ASXL2: variants seen among roughly 807,000 people sequenced by gnomAD.
ASXL2 encodes the protein ASXL transcriptional regulator 2, also known as putative Polycomb group protein ASXL2.
Under a neutral mutation model 122.0 loss-of-function variants are expected in ASXL2, and 23 were observed. The ratio of observed to expected loss-of-function variants is 0.19; its 90% CI spans 0.14 to 0.27. The LOEUF (loss-of-function observed/expected upper bound fraction) is 0.27, where lower values mean the gene tolerates loss of function less well. Ranked by LOEUF, ASXL2 falls within the 10% of genes least tolerant of loss-of-function variation. The pLI is 1.00. For missense variants in ASXL2, 1,518 were observed against 1,713.8 expected (o/e 0.89, Z 2.02); for synonymous variants, 650 against 637.0 (o/e 1.02, Z -0.31).
chr2:25,804,498 T>G (rs2089050162), intron 4 of ASXL2, among the ~76,000 whole-genome samples: 1 of 152,212 alleles, frequency 6.6e-6, no homozygotes, highest in African/African-American at 2.4e-5. Flanking sequence ...GATTTACAGC[T>G]TGCAGAGTGC....
chr2:25,799,201 G>A (rs934746833), intron 5 of ASXL2, among the ~76,000 whole-genome samples, 184 bp downstream of exon 5: 1 of 152,210 alleles, frequency 6.6e-6, no homozygotes, highest in African/African-American at 2.4e-5. Context: ...ACTGGCTACT[G>A]TGTTGTGCTG....
At chr2:25,761,857 C>T (rs965747522) in intron 8 of ASXL2, among the ~76,000 whole-genome samples, 1 of 152,082 alleles carries the variant, frequency 6.6e-6, no homozygotes, top group Middle Eastern at 3.4e-3. Context: ...AAACTGAAGG[C>T]GTTCACTACT....
intron 9 of ASXL2, 75 bp downstream of exon 9, chr2:25,759,407 T>C (rs190057711): frequency 9.2e-6 from 13 of 1,415,090 alleles, no homozygotes; most frequent in Non-Finnish European, 1.2e-5. Flanking sequence ...TACTTCTCAC[T>C]TAGTACCATT....
At chr2:25,803,964 A>C (rs951605157) in intron 4 of ASXL2, among the ~76,000 whole-genome samples, 1 of 152,186 alleles carries the variant, frequency 6.6e-6, no homozygotes, top group South Asian at 2.1e-4. Context: ...ACGGTGTATG[A>C]GAATAGGGAA....
At chr2:25,854,496 T>C (rs1172099998) in intron 1 of ASXL2, among the ~76,000 whole-genome samples, 2 of 152,200 alleles carry the variant, frequency 1.3e-5, no homozygotes, top group Non-Finnish European at 2.9e-5. Context: ...TTGTCCAACT[T>C]GTCATCAGCA....
chr2:25,830,590 C>T (rs1432200249), intron 3 of ASXL2, among the ~76,000 whole-genome samples: 1 of 149,958 alleles, frequency 6.7e-6, no homozygotes, highest in Non-Finnish European at 1.5e-5. Context: ...CGCATCACTG[C>T]TCTCCAGCCT....
At chr2:25,858,812 A>ATTT (rs765331691) in intron 1 of ASXL2, among the ~76,000 whole-genome samples, 3 of 139,206 alleles carry the variant, frequency 2.2e-5, no homozygotes, top group Non-Finnish European at 4.7e-5. Flanking sequence ...TAGAAATCTA[A>ATTT]TTTTTTTTTT....
chr2:25,771,108 T>G (rs1165722159), intron 6 of ASXL2, among the ~76,000 whole-genome samples: 9 of 152,002 alleles, frequency 5.9e-5, no homozygotes, highest in Non-Finnish European at 1.3e-4. Flanking sequence ...TGGTGGCAGG[T>G]GCCTGTAGTC....
intron 2 of ASXL2, among the ~76,000 whole-genome samples, chr2:25,843,301 CAAAA>C (rs35388163): frequency 1.1e-5 from 1 of 93,022 alleles, no homozygotes; most frequent in Non-Finnish European, 2.1e-5. Context: ...GACTTCGTCT[CAAAA>C]AAAAAAAAAA....
chr2:25,768,275 T>C (rs1010598191), intron 7 of ASXL2, among the ~76,000 whole-genome samples: 1 of 152,236 alleles, frequency 6.6e-6, no homozygotes, highest in African/African-American at 2.4e-5. Flanking sequence ...AAGTCAGTCA[T>C]TTATTTCCTT....
At chr2:25,790,944 C>T (rs62127683) in intron 5 of ASXL2, among the ~76,000 whole-genome samples, 22,619 of 151,438 alleles carry the variant, frequency 0.15, 2,146 homozygotes, top group Non-Finnish European at 0.22. Context: ...GCTGGGACTA[C>T]GGGTGTGCAC....
chr2:25,852,325 A>T (rs2089725709), intron 1 of ASXL2, among the ~76,000 whole-genome samples: 1 of 152,236 alleles, frequency 6.6e-6, no homozygotes, highest in Non-Finnish European at 1.5e-5. Flanking sequence ...GGATTTAAAA[A>T]TTATATTTTC....
At chr2:25,754,691 TAACACTGATAATA>T (rs2088103452) in intron 10 of ASXL2, among the ~76,000 whole-genome samples, 1 of 150,658 alleles carries the variant, frequency 6.6e-6, no homozygotes, top group Non-Finnish European at 1.5e-5. Flanking sequence ...AAAAAAAAAG[TAACACTGATAATA>T]ATAATCGCAG....
rs1411878328 is a variant in ASXL2 at position 25,734,099 on chromosome 2, GTGT to G, written c.*7927_*7929del. ...AATAGGTCAAAGCACTTACAGCTAA[GTGT>G]TTTTTTTTCTTTCAAATTTCTAGAG... On this transcript the variant is annotated 3_prime_UTR_variant, in exon 13 of 13. Transcript: ENST00000435504. 6.6e-6 allele frequency: 1 copy of G among 151,128 alleles called. No individual in the cohort carries two copies. Among genetic ancestry groups the G allele is most frequent in the African/African-American group, 2.4e-5 (1 of 41,064 alleles). 9.4% of individuals were successfully genotyped at this position (151,128 alleles called of 1,614,324 possible).
At chr2:25,803,701 C>T (rs1236753907) in intron 4 of ASXL2, among the ~76,000 whole-genome samples, 1 of 152,174 alleles carries the variant, frequency 6.6e-6, no homozygotes, top group Non-Finnish European at 1.5e-5. Flanking sequence ...ACCTAGATCC[C>T]TCAAATGTGC....
At chr2:25,781,286 C>T (rs969142904) in intron 5 of ASXL2, among the ~76,000 whole-genome samples, 2 of 152,144 alleles carry the variant, frequency 1.3e-5, no homozygotes, top group African/African-American at 4.8e-5. Context: ...GTAATCCCAA[C>T]ACTTTGGGAG....
intron 3 of ASXL2, among the ~76,000 whole-genome samples, chr2:25,815,403 C>T (rs1408750293): frequency 6.6e-6 from 1 of 151,936 alleles, no homozygotes; most frequent in African/African-American, 2.4e-5. Context: ...CTCCTTTTCT[C>T]CTAGCAACCT....
chr2:25,783,944 C>T (rs1190729383), intron 5 of ASXL2, among the ~76,000 whole-genome samples: 1 of 152,004 alleles, frequency 6.6e-6, no homozygotes, highest in Non-Finnish European at 1.5e-5. Context: ...ATCCCAGCTA[C>T]TTGGGAGGCT....
chr2:25,867,903 T>C (rs1348533732), intron 1 of ASXL2, among the ~76,000 whole-genome samples: 1 of 152,216 alleles, frequency 6.6e-6, no homozygotes, highest in Non-Finnish European at 1.5e-5. Flanking sequence ...AAACCTTCTT[T>C]AAGACAACCC....
Sources: allele counts gnomAD v4.1 joint callset (sites outside exome capture counted in the v4.1 genomes callset), GRCh38; gene constraint gnomAD v4.1.1; transcripts MANE v1.5; gene names NCBI Gene and HGNC (gene_info 2026-07-23, HGNC 2026-07-21).